Variants in CADM1 observed in about 807,000 individuals in gnomAD.
CADM1 encodes the protein TSLC-1.
In CADM1, 15 loss-of-function variants were observed where a neutral mutation model predicts 53.1. That is an observed-to-expected ratio of 0.28 (90% confidence interval 0.19 to 0.44). The LOEUF is 0.44. Among genes scored for constraint, CADM1 ranks in the 20% least tolerant of loss-of-function variants. The probability of loss-of-function intolerance (pLI) is 1.00; values close to 1 mark genes in which losing one functional copy is unlikely to be tolerated. For synonymous variants in CADM1, 281 were observed against 243.0 expected (o/e 1.16, Z -1.45); for missense variants, 434 against 611.3 (o/e 0.71, Z 3.06).
chr11:115,401,034 C>T (rs1328202374), intron 1 of CADM1, among the ~76,000 whole-genome samples: 1 of 152,080 alleles, frequency 6.6e-6, no homozygotes, highest in Non-Finnish European at 1.5e-5. Flanking sequence ...CACACAAAAA[C>T]CCGCACGCAG....
chr11:115,429,422 T>C (rs1338799411), intron 1 of CADM1, among the ~76,000 whole-genome samples: 3 of 151,896 alleles, frequency 2.0e-5, no homozygotes, highest in Admixed American at 6.6e-5. Flanking sequence ...AACAACACAG[T>C]GAAACCCCAT....
Sources: gnomAD v4.1 joint callset for allele counts (sites outside exome capture counted in the v4.1 genomes callset) on GRCh38, gnomAD v4.1.1 for gene constraint, MANE v1.5 for transcripts, NCBI Gene and HGNC (gene_info 2026-07-23, HGNC 2026-07-21) for gene names.